C2CD2: variants seen among roughly 807,000 people sequenced by gnomAD.
C2CD2 encodes the protein C2 domain-containing protein 2.
In C2CD2, 43 loss-of-function variants were observed where a neutral mutation model predicts 74.3. That is an observed-to-expected ratio of 0.58 (90% CI 0.45 to 0.75). The LOEUF is 0.75. Among genes scored for constraint, C2CD2 ranks in the 30% least tolerant of loss-of-function variants. The probability of loss-of-function intolerance (pLI) is 0.00; values close to 1 mark genes in which losing one functional copy is unlikely to be tolerated. For synonymous variants in C2CD2, 422 were observed against 390.7 expected (o/e 1.08, Z -0.94); for missense variants, 801 against 916.3 (o/e 0.87, Z 1.63).
chr21:41,925,922 A>G (rs947038263), intron 2 of C2CD2, among the ~76,000 whole-genome samples: 1 of 152,236 alleles, frequency 6.6e-6, no homozygotes, highest in Non-Finnish European at 1.5e-5. Flanking sequence ...AGCCATGGTC[A>G]TGAGAGCCTC....
intron 7 of C2CD2, 71 bp downstream of exon 7, chr21:41,912,261 G>T: frequency 1.2e-6 from 1 of 859,406 alleles, no homozygotes; most frequent in South Asian, 1.5e-5. Context: ...GCTGCAGAAT[G>T]ATTTCAGGAT....
At chr21:41,897,989 G>C (rs2064844247) in intron 13 of C2CD2, among the ~76,000 whole-genome samples, 1 of 152,238 alleles carries the variant, frequency 6.6e-6, no homozygotes, top group African/African-American at 2.4e-5. Flanking sequence ...TCCAGACACT[G>C]CCATATTCCC....
In C2CD2 at chr21:41,905,842, C is replaced by T. The variant is rs939008069; in HGVS notation, c.1319-5G>A. The stretch of plus-strand genomic sequence containing the variant: ...TGGGAGTCTTCACCGGAGAATCTGC[C>T]AGAGGAAGATCCTGATTACAAAAGC... On this transcript the variant is annotated splice_polypyrimidine_tract_variant and splice_region_variant and intron_variant, in intron 10 of 13. Coordinates refer to ENST00000380486, the MANE Select transcript of C2CD2 (RefSeq NM_015500.2). 3.9e-5 allele frequency: 58 copies of T among 1,503,296 alleles called. No individual in the cohort carries two copies. The highest frequency in any genetic ancestry group is 5.1e-5 in the Non-Finnish European group (55 of 1,079,106). 93.1% of individuals were successfully genotyped at this position (1,503,296 alleles called of 1,614,324 possible).
intron 1 of C2CD2, among the ~76,000 whole-genome samples, chr21:41,946,143 C>T (rs1279002482): frequency 2.0e-5 from 3 of 152,152 alleles, no homozygotes; most frequent in South Asian, 2.1e-4. Flanking sequence ...ACTGCACCTG[C>T]GCCATCACTG....
At chr21:41,914,846 G>A in intron 5 of C2CD2, 125 bp from the exon 6 acceptor site, 1 of 740,258 alleles carries the variant, frequency 1.4e-6, no homozygotes, top group Non-Finnish European at 2.2e-6. Context: ...ACCTGCACAG[G>A]GAGCCCGAGC....
At chr21:41,943,758 G>A (rs549300434) in intron 1 of C2CD2, among the ~76,000 whole-genome samples, 2 of 152,334 alleles carry the variant, frequency 1.3e-5, no homozygotes, top group African/African-American at 4.8e-5. Context: ...TAAACCTAAA[G>A]GGGACAGAAC....
intron 2 of C2CD2, among the ~76,000 whole-genome samples, chr21:41,938,742 CT>C (rs58050288): frequency 0.097 from 13,449 of 138,868 alleles, 980 homozygotes; most frequent in African/African-American, 0.23. Flanking sequence ...CTTGCTTTCT[CT>C]TTTTTTTTTT....
intron 2 of C2CD2, among the ~76,000 whole-genome samples, chr21:41,925,086 G>A (rs868625844): frequency 6.6e-6 from 1 of 152,140 alleles, no homozygotes; most frequent in Non-Finnish European, 1.5e-5. Flanking sequence ...ACCCCCTGGC[G>A]TGTCTTCCCC....
At chr21:41,913,699 G>A (rs1002196639) in intron 6 of C2CD2, among the ~76,000 whole-genome samples, 40 of 152,204 alleles carry the variant, frequency 2.6e-4, no homozygotes, top group African/African-American at 9.7e-4. Flanking sequence ...ATAAAGATAA[G>A]TCACCTTTAA....
In C2CD2 at chr21:41,918,247, T is replaced by C; in HGVS notation, c.598-20A>G. 1.9e-6 allele frequency: 3 copies of C among 1,613,304 alleles called. No individual in the cohort carries two copies. The highest frequency in any genetic ancestry group is 2.2e-5 in the South Asian group (2 of 90,974). Reference sequence around the variant, plus strand: ...CTGGTCCTGGTGAAAGAGGAGAAAGTTGACAAATCGCCTTTGCAAGCCCAC... The same window carrying C: ...CTGGTCCTGGTGAAAGAGGAGAAAGCTGACAAATCGCCTTTGCAAGCCCAC... On this transcript the variant is annotated intron_variant, in intron 4 of 13. Coordinates refer to ENST00000380486, the MANE Select transcript of C2CD2 (RefSeq NM_015500.2).
intron 3 of C2CD2, among the ~76,000 whole-genome samples, chr21:41,919,707 C>T (rs910947011): frequency 2.0e-5 from 3 of 152,196 alleles, no homozygotes; most frequent in Non-Finnish European, 4.4e-5. Flanking sequence ...GGGGCCGCCA[C>T]AGCAGCCTCT....
Position 41,885,966 on chromosome 21 carries a change from G to T in C2CD2, c.*3158C>A, listed in dbSNP as rs2236439. On this transcript the variant is annotated 3_prime_UTR_variant, in exon 14 of 14. Coordinates refer to ENST00000380486, the MANE Select transcript of C2CD2 (RefSeq NM_015500.2). ...AACTCTCACAGCAGGTTTTCAGCTG[G>T]AACAAGGAGATGGCTACTTTTTGTT... The T allele has an allele frequency of 6.6e-6, 1 of 152,348 alleles. No homozygotes were observed. The highest frequency in any genetic ancestry group is 2.4e-5 in the African/African-American group (1 of 41,380). The allele number at this position is 152,348 out of a possible 1,614,324, so 9.4% of individuals were successfully genotyped here.
At chr21:41,909,034 G>C (rs571578091) in intron 8 of C2CD2, among the ~76,000 whole-genome samples, 1 of 152,162 alleles carries the variant, frequency 6.6e-6, no homozygotes, top group African/African-American at 2.4e-5. Context: ...TTGCACAACC[G>C]TGTGAATGTA....
At chr21:41,936,011 G>C (rs1407474905) in intron 2 of C2CD2, among the ~76,000 whole-genome samples, 6 of 151,266 alleles carry the variant, frequency 4.0e-5, no homozygotes, top group Non-Finnish European at 8.8e-5. Flanking sequence ...AAAAAACATA[G>C]AAGGAAAGCT....
At chr21:41,907,396 C>A (rs1483584077) in intron 9 of C2CD2, among the ~76,000 whole-genome samples, 1 of 152,204 alleles carries the variant, frequency 6.6e-6, no homozygotes, top group African/African-American at 2.4e-5. Flanking sequence ...GGGAACCAAG[C>A]AAAACTTTCA....
chr21:41,952,503 G>C (rs934025804), intron 1 of C2CD2, among the ~76,000 whole-genome samples: 8 of 152,260 alleles, frequency 5.3e-5, no homozygotes, highest in Non-Finnish European at 8.8e-5. Flanking sequence ...GACTAGGGGT[G>C]CCTCCCCAAA....
intron 2 of C2CD2, among the ~76,000 whole-genome samples, chr21:41,927,862 C>T (rs2065228856): frequency 6.6e-6 from 1 of 152,168 alleles, no homozygotes; most frequent in Admixed American, 6.5e-5. Flanking sequence ...GCTGTTTATC[C>T]TCTTTTGGGG....
intron 8 of C2CD2, chr21:41,908,923 G>A (rs404537): frequency 6.5e-6 from 1 of 154,214 alleles, no homozygotes; most frequent in African/African-American, 2.4e-5. Context: ...TGAGTTCAAT[G>A]TAAACCTCTG....
chr21:41,912,362 G>T lies in C2CD2; in HGVS notation c.923C>A (p.Pro308Gln), dbSNP rs755868537. ...GAATTCCTCTTCCCACATGAGGTCC[G>T]GAGTGTTTTTCGTCAGGGTGCTGGA... is the stretch of plus-strand genomic sequence containing the variant. ...RFSSTLTKNT[P>Q]DLMWEEEFTF... is the part of the protein sequence containing the mutation. Residue 308 changes from proline to glutamine, a missense_variant, in exon 7 of 14, where the codon CCG becomes CAG. Transcript: ENST00000380486. 6.2e-7 allele frequency: 1 copy of T among 1,612,024 alleles called. No individual in the cohort carries two copies. The highest frequency in any genetic ancestry group is 1.7e-5 in the Admixed American group (1 of 59,974).
Sources: allele counts gnomAD v4.1 joint callset (sites outside exome capture counted in the v4.1 genomes callset), GRCh38; gene constraint gnomAD v4.1.1; transcripts MANE v1.5; gene names NCBI Gene and HGNC (gene_info 2026-07-23, HGNC 2026-07-21).